Variants in HMGA2 observed in about 807,000 individuals in gnomAD.
HMGA2 encodes high mobility group AT-hook 2.
Under a neutral mutation model 19.1 loss-of-function variants are expected in HMGA2, and 8 were observed. The ratio of observed to expected loss-of-function variants is 0.42; its 90% CI spans 0.25 to 0.76. The LOEUF is 0.76. Ranked by LOEUF, HMGA2 falls within the 30% of genes least tolerant of loss-of-function variation. The pLI, the probability that HMGA2 is intolerant of heterozygous loss-of-function variation, is 0.28. For missense variants in HMGA2, 109 were observed against 136.3 expected, an observed-to-expected ratio of 0.80 and a Z score of 1.00; for synonymous variants, 60 against 48.8, an observed-to-expected ratio of 1.23 and a Z score of -0.96.
intron 2 of HMGA2, among the ~76,000 whole-genome samples, chr12:65,829,544 T>C (rs1441943407): frequency 6.6e-6 from 1 of 152,044 alleles, no homozygotes; most frequent in East Asian, 1.9e-4. Context: ...GATGCACAAA[T>C]GAATATCTTG....
chr12:65,920,601 G>T (rs1039244743), intron 3 of HMGA2, among the ~76,000 whole-genome samples: 2 of 152,084 alleles, frequency 1.3e-5, no homozygotes, highest in African/African-American at 4.8e-5. Context: ...TGCTATTCTC[G>T]TGATAGTGAA....
chr12:65,956,709 T>G (rs561458317), intron 4 of HMGA2: 1 of 151,526 alleles, frequency 6.6e-6, no homozygotes, highest in Non-Finnish European at 1.5e-5. Flanking sequence ...CTGTGAGAGT[T>G]TTTTTTTTAA....
chr12:65,864,998 CT>C (rs1872316573), intron 3 of HMGA2, among the ~76,000 whole-genome samples: 2 of 152,142 alleles, frequency 1.3e-5, no homozygotes, highest in Non-Finnish European at 2.9e-5. Flanking sequence ...TCTGTTACCC[CT>C]GAAACAGCAA....
intron 3 of HMGA2, among the ~76,000 whole-genome samples, chr12:65,853,708 G>A (rs1000932907): frequency 1.3e-5 from 2 of 152,172 alleles, no homozygotes; most frequent in African/African-American, 4.8e-5. Context: ...CTGCATCCTC[G>A]CCGCACAGGG....
intron 3 of HMGA2, chr12:65,858,333 TACAAAAAAAA>T (rs1871852288): frequency 6.7e-6 from 1 of 150,154 alleles, no homozygotes; most frequent in Non-Finnish European, 1.5e-5. Context: ...CTTTCTCATT[TACAAAAAAAA>T]AAAAGAAAAG....
intron 3 of HMGA2, among the ~76,000 whole-genome samples, chr12:65,886,335 C>T (rs564656058): frequency 1.3e-5 from 2 of 151,606 alleles, no homozygotes; most frequent in South Asian, 4.2e-4. Flanking sequence ...CTGTTTCCTC[C>T]TCGCGGGGAG....
In HMGA2 at chr12:65,951,413, C is replaced by T; in HGVS notation, c.280C>T (p.Gln94Ter). 1 of 1,524,972 alleles carries T rather than the reference C, an allele frequency of 6.6e-7. No individual in the cohort carries two copies. Among genetic ancestry groups the T allele is most frequent in the Non-Finnish European group, 8.9e-7 (1 of 1,125,318 alleles). The allele number at this position is 1,524,972 out of a possible 1,614,324, so 94.5% of individuals were successfully genotyped here. Reference protein sequence around the residue: ...PQQVVQKKPAQEETEETSSQE... With the variant: ...PQQVVQKKPA The stretch of plus-strand genomic sequence containing the variant: ...ACAAGTTGTTCAGAAGAAGCCTGCT[C>T]AGGTAAGACATAGTCATTAATTTTT... Residue 94 changes from glutamine to a stop codon, truncating the protein, a stop_gained and splice_region_variant, in exon 4 of 5, where the codon CAG becomes TAG. Transcript: ENST00000403681. LOFTEE classifies it high-confidence loss of function.
chr12:65,921,851 G>A (rs1268665528), intron 3 of HMGA2, among the ~76,000 whole-genome samples: 2 of 152,202 alleles, frequency 1.3e-5, no homozygotes, highest in Non-Finnish European at 2.9e-5. Flanking sequence ...TTGGTGCCCT[G>A]TGTCCCAGCA....
intron 3 of HMGA2, among the ~76,000 whole-genome samples, chr12:65,865,053 T>G (rs962261772): frequency 2.6e-4 from 40 of 152,150 alleles, no homozygotes; most frequent in Non-Finnish European, 5.4e-4. Flanking sequence ...ATGAAGACAG[T>G]AAAGATGAAA....
intron 3 of HMGA2, among the ~76,000 whole-genome samples, chr12:65,937,020 G>A (rs576226698): frequency 6.6e-6 from 1 of 152,166 alleles, no homozygotes; most frequent in East Asian, 1.9e-4. Context: ...TTTTTCCCAA[G>A]GCCAAAAAGC....
chr12:65,935,536 C>T (rs1875861223), intron 3 of HMGA2, among the ~76,000 whole-genome samples: 1 of 151,756 alleles, frequency 6.6e-6, no homozygotes, highest in South Asian at 2.1e-4. Flanking sequence ...AACACACATG[C>T]AGACATCATA....
chr12:65,913,853 A>T (rs1385220262), intron 3 of HMGA2, among the ~76,000 whole-genome samples: 1 of 152,072 alleles, frequency 6.6e-6, no homozygotes, highest in African/African-American at 2.4e-5. Context: ...AGTGTTGGTT[A>T]CCCTTGCTCT....
intron 3 of HMGA2, among the ~76,000 whole-genome samples, chr12:65,917,709 A>G (rs896703383): frequency 6.6e-6 from 1 of 152,268 alleles, no homozygotes; most frequent in East Asian, 1.9e-4. Context: ...AAAAGGCTGG[A>G]GTTTCCTGGA....
chr12:65,885,957 A>C (rs755276489), intron 3 of HMGA2, among the ~76,000 whole-genome samples: 2 of 151,954 alleles, frequency 1.3e-5, no homozygotes, highest in Non-Finnish European at 2.9e-5. Context: ...TGAATAAGCC[A>C]CCCCCTTGTT....
chr12:65,881,634 G>A (rs1873394243), intron 3 of HMGA2: 1 of 661,114 alleles, frequency 1.5e-6, no homozygotes, highest in Admixed American at 2.1e-5. Flanking sequence ...GAAGGAGGGA[G>A]GGAGGGAGGG....
intron 3 of HMGA2, among the ~76,000 whole-genome samples, chr12:65,943,952 A>C (rs1216790181): frequency 2.0e-5 from 3 of 152,200 alleles, no homozygotes; most frequent in Admixed American, 1.3e-4. Flanking sequence ...ACTAGGGGGC[A>C]GGTTCATTCC....
At chr12:65,827,350 G>A (rs1870257496) in intron 1 of HMGA2, among the ~76,000 whole-genome samples, 1 of 152,128 alleles carries the variant, frequency 6.6e-6, no homozygotes, top group South Asian at 2.1e-4. Context: ...AAAAGGAAGT[G>A]GAGAATTGAA....
intron 3 of HMGA2, among the ~76,000 whole-genome samples, chr12:65,885,940 AAACACATG>A (rs1873638991): frequency 6.6e-6 from 1 of 152,168 alleles, no homozygotes; most frequent in African/African-American, 2.4e-5. Flanking sequence ...CTTTCCTGGA[AAACACATG>A]AATAAGCCAC....
At chr12:65,961,267 T>C (rs1285754658) in intron 4 of HMGA2, among the ~76,000 whole-genome samples, 1 of 152,202 alleles carries the variant, frequency 6.6e-6, no homozygotes, top group East Asian at 1.9e-4. Flanking sequence ...CCTAACAGCT[T>C]AGTGACTTTC....
Sources: gnomAD v4.1 joint callset for allele counts (sites outside exome capture counted in the v4.1 genomes callset) on GRCh38, gnomAD v4.1.1 for gene constraint, MANE v1.5 for transcripts, NCBI Gene and HGNC (gene_info 2026-07-23, HGNC 2026-07-21) for gene names.